Variants in ALPK1 observed in about 807,000 individuals in gnomAD.
The protein encoded by ALPK1 is alpha-protein kinase 1.
ALPK1 carries 110 observed loss-of-function variants against 120.6 expected under a neutral mutation model. The observed-to-expected ratio is 0.91, with a 90% confidence interval of 0.78 to 1.07. The LOEUF (loss-of-function observed/expected upper bound fraction) is 1.07, where lower values mean the gene tolerates loss of function less well. Ranked by LOEUF, ALPK1 falls within the 50% of genes least tolerant of loss-of-function variation. The pLI is 0.00. For missense variants in ALPK1, 1,498 were observed against 1,483.9 expected, an observed-to-expected ratio of 1.01 and a Z score of -0.16; for synonymous variants, 582 against 560.3, an observed-to-expected ratio of 1.04 and a Z score of -0.55.
Position 112,382,435 on chromosome 4 carries a change from G to A in ALPK1, c.159G>A (p.Glu53=), listed in dbSNP as rs1418455980. 3 of 1,614,046 alleles carry A rather than the reference G, an allele frequency of 1.9e-6. No homozygotes were observed. The highest frequency in any genetic ancestry group is 2.2e-5 in the South Asian group (2 of 91,076). The change falls in exon 4 of 16, where the codon GAG becomes GAA. Residue 53 remains glutamate (E), a synonymous_variant. Transcript: ENST00000650871. The part of the protein sequence containing the change: ...LPSELRTLIQ[E]AKEMKWPFVP... ...GCGAGTTAAGGACCCTGATCCAGGA[G>A]GCAAAGGAAATGAAGTGGCCCTTCG...
intron 14 of ALPK1, 24 bp downstream of exon 14, chr4:112,439,896 T>A (rs754775453): frequency 6.5e-7 from 1 of 1,533,548 alleles, no homozygotes; most frequent in Non-Finnish European, 8.7e-7. Flanking sequence ...GGAATTATTT[T>A]TATTTTTAAT....
intron 10 of ALPK1, 75 bp downstream of exon 10, chr4:112,429,328 G>A: frequency 8.4e-7 from 1 of 1,191,346 alleles, no homozygotes; most frequent in Non-Finnish European, 1.2e-6. Flanking sequence ...CCAGTGAGAA[G>A]GGAAAGGTTT....
intron 2 of ALPK1, among the ~76,000 whole-genome samples, chr4:112,326,806 C>A (rs762476677): frequency 1.2e-4 from 18 of 152,190 alleles, no homozygotes; most frequent in Non-Finnish European, 2.2e-4. Flanking sequence ...AACAGGGATT[C>A]ATTTAGAGCC....
At position 112,317,474 on chromosome 4, in the gene ALPK1, C is replaced by A. The variant is rs1054398135; in HGVS notation, c.-101+1622C>A. ...TCTGTATGTGGATATACAGTTTTCC[C>A]AATACCGTTTGTTGGAAAAAACTAT... On this transcript the variant is annotated intron_variant, in intron 2 of 15. Transcript: ENST00000650871. 1.3e-4 allele frequency among the ~76,000 whole-genome samples: 20 copies of A among 152,126 alleles called. 1 individual carries two copies. The highest frequency in any genetic ancestry group is 1.1e-3 in the Admixed American group (17 of 15,276).
intron 2 of ALPK1, among the ~76,000 whole-genome samples, chr4:112,364,752 A>G (rs549922605): frequency 6.6e-6 from 1 of 152,176 alleles, no homozygotes; most frequent in Non-Finnish European, 1.5e-5. Flanking sequence ...AGATATCACA[A>G]AAAAAGAAAA....
At chr4:112,377,457 T>A (rs1009712353) in intron 2 of ALPK1, among the ~76,000 whole-genome samples, 2 of 152,186 alleles carry the variant, frequency 1.3e-5, no homozygotes, top group African/African-American at 4.8e-5. Context: ...GATAGATAAC[T>A]GGGGTCTGTA....
intron 2 of ALPK1, among the ~76,000 whole-genome samples, chr4:112,367,068 G>T (rs538964192): frequency 3.9e-5 from 6 of 152,274 alleles, no homozygotes; most frequent in African/African-American, 1.2e-4. Flanking sequence ...AGGTGGGTGA[G>T]GAATAAAAGA....
At chr4:112,331,023 G>C (rs537877185) in intron 2 of ALPK1, among the ~76,000 whole-genome samples, 15 of 152,184 alleles carry the variant, frequency 9.9e-5, no homozygotes, top group Non-Finnish European at 2.1e-4. Flanking sequence ...GAGGTTAGCT[G>C]TTCCCTCCTC....
intron 2 of ALPK1, among the ~76,000 whole-genome samples, chr4:112,353,452 T>C: frequency 6.6e-6 from 1 of 152,208 alleles, no homozygotes; most frequent in Middle Eastern, 3.2e-3. Flanking sequence ...GGTCAGTGAG[T>C]GTGCATCTTT....
chr4:112,300,867 C>G (rs1290946675), intron 1 of ALPK1, among the ~76,000 whole-genome samples: 1 of 152,074 alleles, frequency 6.6e-6, no homozygotes, highest in East Asian at 1.9e-4. Context: ...TTTGTATATA[C>G]TCCTACTGCA....
intron 2 of ALPK1, among the ~76,000 whole-genome samples, chr4:112,374,220 A>G (rs1430592531): frequency 1.3e-5 from 2 of 152,220 alleles, no homozygotes; most frequent in Admixed American, 6.5e-5. Context: ...TTGCCATTTC[A>G]ACAATGTTCA....
At chr4:112,311,842 G>A (rs1728414044) in intron 1 of ALPK1, among the ~76,000 whole-genome samples, 1 of 152,208 alleles carries the variant, frequency 6.6e-6, no homozygotes, top group African/African-American at 2.4e-5. Flanking sequence ...GTCGGGGCAG[G>A]CAGAGTGGTG....
chr4:112,301,128 G>A (rs1727769155), intron 1 of ALPK1, among the ~76,000 whole-genome samples: 1 of 152,088 alleles, frequency 6.6e-6, no homozygotes, highest in Non-Finnish European at 1.5e-5. Flanking sequence ...TTTGGACACT[G>A]CTGGTCAGCC....
intron 2 of ALPK1, among the ~76,000 whole-genome samples, chr4:112,317,829 C>T (rs1306855328): frequency 6.6e-6 from 1 of 152,068 alleles, no homozygotes; most frequent in African/African-American, 2.4e-5. Flanking sequence ...CTTTGTCTTA[C>T]TTAAAATTAT....
intron 2 of ALPK1, chr4:112,359,067 C>G (rs1447764584): frequency 2.7e-6 from 2 of 752,772 alleles, no homozygotes; most frequent in East Asian, 5.0e-5. Context: ...ACAGCCAGCC[C>G]TGGACCCCAC....
chr4:112,412,931 A>G (rs1239932852), intron 5 of ALPK1, among the ~76,000 whole-genome samples: 2 of 152,256 alleles, frequency 1.3e-5, no homozygotes, highest in East Asian at 3.8e-4. Flanking sequence ...AGAGAGGGAC[A>G]GAGACAAAAG....
At chr4:112,428,003 G>C (rs759863772) in intron 9 of ALPK1, 13 of 191,454 alleles carry the variant, frequency 6.8e-5, no homozygotes, top group South Asian at 1.3e-4. Flanking sequence ...ATGATAAAGG[G>C]GTAATAATTT....
chr4:112,324,208 T>C (rs1280940904), intron 2 of ALPK1, among the ~76,000 whole-genome samples: 1 of 151,950 alleles, frequency 6.6e-6, no homozygotes, highest in Non-Finnish European at 1.5e-5. Context: ...GCGCCTGTAG[T>C]CCCAGCTACT....
chr4:112,434,358 G>T (rs534377788), intron 11 of ALPK1, among the ~76,000 whole-genome samples: 1 of 152,114 alleles, frequency 6.6e-6, no homozygotes, highest in African/African-American at 2.4e-5. Flanking sequence ...GGCATCCCCT[G>T]CCCAGAACTG....
Sources: allele counts gnomAD v4.1 joint callset (sites outside exome capture counted in the v4.1 genomes callset), GRCh38; gene constraint gnomAD v4.1.1; transcripts MANE v1.5; gene names NCBI Gene and HGNC (gene_info 2026-07-23, HGNC 2026-07-21).